The following C2orf49 variants were observed in gnomAD, a reference collection of about 807,000 sequenced individuals.
C2orf49 encodes tRNA splicing ligase complex subunit 2.
C2orf49 carries 11 observed loss-of-function variants against 20.6 expected under a neutral mutation model. The observed-to-expected ratio is 0.53, with a 90% confidence interval of 0.34 to 0.88. The LOEUF is 0.88. C2orf49 is among the 40% of genes least tolerant of loss of function. The pLI, the probability that C2orf49 is intolerant of heterozygous loss-of-function variation, is 0.02. For synonymous variants in C2orf49, 134 were observed against 108.5 expected, an observed-to-expected ratio of 1.24 and a Z score of -1.46; for missense variants, 289 against 274.2, an observed-to-expected ratio of 1.05 and a Z score of -0.38.
chr2:105,351,498 G>T (rs1679935212), downstream of C2orf49, among the ~76,000 whole-genome samples: 1 of 152,102 alleles, frequency 6.6e-6, no homozygotes, highest in Non-Finnish European at 1.5e-5. Context: ...ATTTATGTCA[G>T]TATGACTCAT....
the C2orf49 span, among the ~76,000 whole-genome samples, chr2:105,383,001 T>A: frequency 6.6e-6 from 1 of 152,254 alleles, no homozygotes; most frequent in Non-Finnish European, 1.5e-5. Flanking sequence ...TTCTCCTGCC[T>A]CAGCCTCCCA....
intron 1 of C2orf49, 142 bp downstream of exon 1, chr2:105,337,828 G>A (rs1451621336): frequency 8.7e-6 from 6 of 693,596 alleles, no homozygotes; most frequent in Admixed American, 2.9e-5. Flanking sequence ...AGACCAGGCA[G>A]CTGTCTCCTC....
chr2:105,343,076 A>G lies in C2orf49; in HGVS notation c.495A>G (p.Glu165=), dbSNP rs771132459. Residue 165 remains glutamate, a synonymous_variant, in exon 3 of 4, where the codon GAA becomes GAG. Transcript: ENST00000258457. ...ATTTGCCTGTGAACAATAAAACGGA[A>G]CACAATAATAATGACGCTAAACAGA... The part of the protein sequence containing the change: ...SSNLPVNNKT[E]HNNNDAKQNH... The G allele has an allele frequency of 5.0e-6, 8 of 1,614,236 alleles. No homozygotes were observed. Among genetic ancestry groups the G allele is most frequent in the Non-Finnish European group, 5.9e-6 (7 of 1,180,040 alleles).
At chr2:105,380,798 C>A in the C2orf49 span, among the ~76,000 whole-genome samples, 1,777 of 152,212 alleles carry the variant, frequency 0.012, 40 homozygotes, top group African/African-American at 0.041. Flanking sequence ...AAAAAAAAGT[C>A]TTTTATACTT....
At chr2:105,361,087 G>T in the C2orf49 span, 3 of 477,552 alleles carry the variant, frequency 6.3e-6, no homozygotes, top group Non-Finnish European at 1.1e-5. Context: ...AGGGCCTAGG[G>T]CGAGTTTTCT....
At chr2:105,385,684 TG>T in the C2orf49 span, among the ~76,000 whole-genome samples, 1 of 152,124 alleles carries the variant, frequency 6.6e-6, no homozygotes, top group Non-Finnish European at 1.5e-5. Flanking sequence ...TCCCCCAGGG[TG>T]TCCTTCAGCA....
At chr2:105,371,828 T>C in the C2orf49 span, among the ~76,000 whole-genome samples, 1 of 152,168 alleles carries the variant, frequency 6.6e-6, no homozygotes. Context: ...TCGTGGTTCT[T>C]ATTGTTACTG....
At chr2:105,363,078 G>A in the C2orf49 span, 2 of 569,810 alleles carry the variant, frequency 3.5e-6, no homozygotes, top group African/African-American at 1.9e-5. Context: ...TTGTGATCAG[G>A]TGGGCTGCAG....
chr2:105,349,437 T>C (rs920323277), downstream of C2orf49, among the ~76,000 whole-genome samples: 2 of 152,232 alleles, frequency 1.3e-5, no homozygotes, highest in Non-Finnish European at 2.9e-5. Flanking sequence ...TTTTTTTGTC[T>C]GGACAGAAGA....
chr2:105,339,643 G>A lies in C2orf49; in HGVS notation c.160G>A (p.Val54Ile). The A allele has an allele frequency of 6.2e-7, 1 of 1,608,506 alleles. No individual in the cohort carries two copies. Among genetic ancestry groups the A allele is most frequent in the South Asian group, 1.1e-5 (1 of 89,390 alleles). ...CAAAGACAGTCTTACTGACCTTTAT[G>A]TCCAACATGCAATACCATTGCCTCA... is the stretch of plus-strand genomic sequence containing the variant. ...VNKDSLTDLY[V>I]QHAIPLPQRD... is the part of the protein sequence containing the mutation. The change falls in exon 2 of 4, where the codon GTC becomes ATC. Residue 54 changes from valine (V) to isoleucine (I), a missense_variant. Val to Ile is a conservative substitution (Grantham distance 29). Transcript: ENST00000258457.
the C2orf49 span, among the ~76,000 whole-genome samples, chr2:105,356,015 TGGG>T: frequency 6.6e-6 from 1 of 152,052 alleles, no homozygotes; most frequent in Non-Finnish European, 1.5e-5. Context: ...AATGCCAAGA[TGGG>T]GGGAATCGCT....
At chr2:105,380,933 A>G in the C2orf49 span, among the ~76,000 whole-genome samples, 1 of 152,214 alleles carries the variant, frequency 6.6e-6, no homozygotes, top group African/African-American at 2.4e-5. Context: ...TTTCCATTGC[A>G]GAAACATTCC....
the C2orf49 span, among the ~76,000 whole-genome samples, chr2:105,373,075 G>A: frequency 5.9e-5 from 9 of 152,126 alleles, no homozygotes; most frequent in Admixed American, 3.3e-4. Context: ...TTGACTGTCC[G>A]TCTAGAACAC....
At chr2:105,363,394 C>T in the C2orf49 span, 4 of 1,613,916 alleles carry the variant, frequency 2.5e-6, no homozygotes, top group South Asian at 4.4e-5. Context: ...CAGACAGCTG[C>T]TTCCTGCAGG....
At chr2:105,373,479 A>G in the C2orf49 span, 1 of 1,495,868 alleles carries the variant, frequency 6.7e-7, no homozygotes, top group Non-Finnish European at 9.3e-7. Flanking sequence ...AACCAAGTCA[A>G]TGTGAACAGG....
At chr2:105,367,345 G>A in the C2orf49 span, among the ~76,000 whole-genome samples, 1 of 152,214 alleles carries the variant, frequency 6.6e-6, no homozygotes, top group Non-Finnish European at 1.5e-5. Flanking sequence ...AGAAGGCAGG[G>A]TTAAACGATT....
the C2orf49 span, among the ~76,000 whole-genome samples, chr2:105,363,967 T>G: frequency 6.6e-6 from 1 of 152,052 alleles, no homozygotes; most frequent in African/African-American, 2.4e-5. Flanking sequence ...AGTCCTTACT[T>G]AGAAGCCTGG....
At chr2:105,349,248 TAGAGATGAGGTCTTGCTCTGTCGCCC>T (rs371386173), downstream of C2orf49, 4 of 152,348 alleles carry the variant, frequency 2.6e-5, no homozygotes, top group African/African-American at 9.6e-5. Flanking sequence ...TGTTTTGTTT[TAGAGATGAGGTCTTGCTCTGTCGCCC>T]AGAGTGTAGT....
chr2:105,365,679 A>G, the C2orf49 span, among the ~76,000 whole-genome samples: 2 of 151,718 alleles, frequency 1.3e-5, no homozygotes, highest in African/African-American at 4.8e-5. Flanking sequence ...TACTACAAAA[A>G]AAAAAAAAAA....
Sources: allele counts gnomAD v4.1 joint callset (sites outside exome capture counted in the v4.1 genomes callset), GRCh38; gene constraint gnomAD v4.1.1; transcripts MANE v1.5; gene names NCBI Gene and HGNC (gene_info 2026-07-23, HGNC 2026-07-21).